The following LRP8 variants were observed in gnomAD, a reference collection of about 807,000 sequenced individuals.
LRP8 encodes LDL receptor related protein 8.
LRP8 carries 46 observed loss-of-function variants against 111.6 expected under a neutral mutation model. The observed-to-expected ratio is 0.41, with a 90% CI of 0.33 to 0.53. The LOEUF (loss-of-function observed/expected upper bound fraction) is 0.53, where lower values mean the gene tolerates loss of function less well. Among genes scored for constraint, LRP8 ranks in the 20% least tolerant of loss-of-function variants. The pLI is 0.20. For synonymous variants in LRP8, 464 were observed against 511.2 expected (o/e 0.91, Z 1.24); for missense variants, 959 against 1,297.4 (o/e 0.74, Z 4.01).
At chr1:53,322,794 G>A (rs1340210789) in intron 2 of LRP8, among the ~76,000 whole-genome samples, 4 of 152,134 alleles carry the variant, frequency 2.6e-5, no homozygotes, top group East Asian at 1.9e-4. Flanking sequence ...GGCCAGATGC[G>A]GGCTACAGCA....
intron 2 of LRP8, among the ~76,000 whole-genome samples, chr1:53,319,355 C>A (rs987211789): frequency 1.3e-5 from 2 of 152,208 alleles, no homozygotes; most frequent in Non-Finnish European, 2.9e-5. Context: ...TGGCAGACAG[C>A]TTTGGGGTGT....
chr1:53,273,720 A>C (rs1214225416), intron 6 of LRP8, among the ~76,000 whole-genome samples: 1 of 152,186 alleles, frequency 6.6e-6, no homozygotes, highest in African/African-American at 2.4e-5. Context: ...CTGCCAGCTC[A>C]GGTAGAAGCT....
At position 53,249,626 on chromosome 1, in the gene LRP8, G is replaced by A. The variant is rs1645834436; in HGVS notation, c.2677-70C>T. On this transcript the variant is annotated intron_variant, in intron 17 of 18. Transcript: ENST00000306052. The surrounding 1 kb of genome is among the most constrained non-coding windows in gnomAD (Gnocchi z 4.1). ...AGCCCCCTGACTGTGCTGTATAACA[G>A]TGACACCTGCTGTGCCACTTTGTGG... The A allele has an allele frequency of 6.8e-7, 1 of 1,478,460 alleles. No homozygotes were observed. Among genetic ancestry groups the A allele is most frequent in the Non-Finnish European group, 9.0e-7 (1 of 1,113,766 alleles). The allele number at this position is 1,478,460 out of a possible 1,614,324, so 91.6% of individuals were successfully genotyped here.
rs1474888614 is a variant in LRP8, at chr1:53,243,530, T to G, written c.*3488A>C. On this transcript the variant is annotated 3_prime_UTR_variant, in exon 19 of 19. Coordinates refer to ENST00000306052, the MANE Select transcript of LRP8 (RefSeq NM_004631.5). ...TTTCCATGATGCATGTAGTGCCTTG[T>G]ACACAATGATCAAGAAATGCTTCAT... 2 of 152,236 alleles carry G rather than the reference T, an allele frequency of 1.3e-5. No individual in the cohort carries two copies. Among genetic ancestry groups the G allele is most frequent in the African/African-American group, 4.8e-5 (2 of 41,474 alleles). 9.4% of individuals were successfully genotyped at this position (152,236 alleles called of 1,614,324 possible).
chr1:53,279,107 T>C lies in LRP8; in HGVS notation c.496+1480A>G, dbSNP rs934867844. ...ACTTGGATGGCAAGGAAGTGCTTCT[T>C]CATACTGAGTTTTCTCTGAGGTTTT... On this transcript the variant is annotated intron_variant, in intron 4 of 18. Coordinates refer to ENST00000306052, the MANE Select transcript of LRP8 (RefSeq NM_004631.5). This position sits in a 1 kb window ranked among gnomAD's most constrained non-coding sequence, Gnocchi z 4.4. Among the ~76,000 whole-genome samples the C allele has an allele frequency of 3.2e-4, 48 of 152,092 alleles. No homozygotes were observed. Among genetic ancestry groups the C allele is most frequent in the African/African-American group, 1.1e-3 (45 of 41,412 alleles).
In LRP8 at chr1:53,327,835, G is replaced by GAGCCGCAGCAGCAGC; in HGVS notation, c.77_78insGCTGCTGCTGCGGCT (p.Leu26_Gln27insLeuLeuLeuArgLeu). Reference sequence around the variant, plus strand: ...CAGCCGCTGCCGCCGCAAGATGCTGGAGCTGCAGCAGCAGCAGCAGCAGCA... The same window carrying GAGCCGCAGCAGCAGC: ...CAGCCGCTGCCGCCGCAAGATGCTGGAGCCGCAGCAGCAGCAGCTGCAGCAGCAGCAGCAGCAGCA... On this transcript the variant is annotated inframe_insertion, in exon 1 of 19. Coordinates refer to ENST00000306052, the MANE Select transcript of LRP8 (RefSeq NM_004631.5). 4 of 1,511,496 alleles carry GAGCCGCAGCAGCAGC rather than the reference G, an allele frequency of 2.6e-6. No homozygotes were observed. Among genetic ancestry groups the GAGCCGCAGCAGCAGC allele is most frequent in the Non-Finnish European group, 2.6e-6 (3 of 1,136,084 alleles). 93.6% of individuals were successfully genotyped at this position (1,511,496 alleles called of 1,614,324 possible).
chr1:53,314,848 C>T (rs986826866), intron 2 of LRP8, among the ~76,000 whole-genome samples: 9 of 152,210 alleles, frequency 5.9e-5, no homozygotes, highest in Non-Finnish European at 8.8e-5. Flanking sequence ...CTCTGAGCCA[C>T]GCTGGGGACA....
rs56722919 is a variant in LRP8 at position 53,242,858 on chromosome 1, T to TATATATATATATATACACAC, written c.*4159_*4160insGTGTGTATATATATATATAT. On this transcript the variant is annotated 3_prime_UTR_variant, in exon 19 of 19. Transcript: ENST00000306052. ...TTAAATATATATATATATATATATA[T>TATATATATATATATACACAC]ACACACACACACACGTGGCTTTTTA... The TATATATATATATATACACAC allele has an allele frequency of 9.2e-5, 13 of 140,616 alleles. No individual in the cohort carries two copies. The East Asian group carries it at 1.0e-3, about 11-fold the overall frequency. 8.7% of individuals were successfully genotyped at this position (140,616 alleles called of 1,614,324 possible).
chr1:53,272,041 A>G (rs1646774398), intron 6 of LRP8, among the ~76,000 whole-genome samples: 1 of 151,838 alleles, frequency 6.6e-6, no homozygotes, highest in Admixed American at 6.6e-5. Context: ...ACCCAGAAGG[A>G]ACCTGAACAA....
intron 14 of LRP8, 112 bp from the exon 15 acceptor site, chr1:53,257,576 T>C: frequency 1.3e-6 from 1 of 760,498 alleles, no homozygotes; most frequent in South Asian, 1.7e-5. Flanking sequence ...AAATGCCACT[T>C]CTGTGAAGCC....
At chr1:53,283,693 C>T (rs1230085437) in intron 3 of LRP8, among the ~76,000 whole-genome samples, 1 of 5,628 alleles carries the variant, frequency 1.8e-4, no homozygotes, top group East Asian at 7.5e-3. Context: ...ACTACATACC[C>T]GGGCCACTTA....
At chr1:53,282,597 G>GA (rs1647149901) in intron 3 of LRP8, among the ~76,000 whole-genome samples, 4 of 152,092 alleles carry the variant, frequency 2.6e-5, no homozygotes. Context: ...GCTTTGCTGG[G>GA]GTCCTCTCAT....
At chr1:53,326,639 G>T (rs1427083222) in intron 2 of LRP8, among the ~76,000 whole-genome samples, 1 of 152,160 alleles carries the variant, frequency 6.6e-6, no homozygotes, top group Non-Finnish European at 1.5e-5. Flanking sequence ...CACACTGCCC[G>T]GGGCTCCGCC....
intron 4 of LRP8, 76 bp downstream of exon 4, chr1:53,280,510 TC>T (rs913167501): frequency 4.6e-5 from 72 of 1,560,152 alleles, no homozygotes; most frequent in Non-Finnish European, 5.8e-5. Flanking sequence ...CTGGGCCCCC[TC>T]CCCAGAAGTG....
At chr1:53,270,694 T>C (rs1455255319) in intron 8 of LRP8, among the ~76,000 whole-genome samples, 1 of 152,236 alleles carries the variant, frequency 6.6e-6, no homozygotes, top group Non-Finnish European at 1.5e-5. Context: ...CATTCTCTTT[T>C]AGCAGGCTGC....
chr1:53,301,062 G>C (rs1650745604), intron 2 of LRP8, among the ~76,000 whole-genome samples: 1 of 152,136 alleles, frequency 6.6e-6, no homozygotes, highest in East Asian at 1.9e-4. Flanking sequence ...AGTGTAGTCA[G>C]CACCCGCTCC....
At chr1:53,325,689 G>A (rs1484906978) in intron 2 of LRP8, among the ~76,000 whole-genome samples, 1 of 152,216 alleles carries the variant, frequency 6.6e-6, no homozygotes, top group East Asian at 1.9e-4. Context: ...TCAACAGAGA[G>A]GGTGCCTGTC....
Position 53,276,895 on chromosome 1 carries a change from AC to A in LRP8, c.679del (p.Val227SerfsTer111). The A allele has an allele frequency of 7.0e-7, 1 of 1,424,152 alleles. No homozygotes were observed. 88.2% of individuals were successfully genotyped at this position (1,424,152 alleles called of 1,614,324 possible). A position where few individuals can be genotyped will look rare whatever the true frequency, so the allele number is the denominator to read the frequency against. ...CTCGCAGTCAAACTGGCGGTCGCAG[AC>A]CCAGCGCTCCGGGATGCAGGCGCCG... is the stretch of plus-strand genomic sequence containing the variant. The part of the protein sequence containing the change: ...GGGACIPERW[V>X]CDRQFDCEDR... On this transcript the variant is annotated frameshift_variant, in exon 5 of 19. Transcript: ENST00000306052. LOFTEE classifies it high-confidence loss of function.
chr1:53,298,967 G>A (rs959662781), intron 2 of LRP8, among the ~76,000 whole-genome samples: 1 of 152,260 alleles, frequency 6.6e-6, no homozygotes, highest in South Asian at 2.1e-4. Flanking sequence ...CAAGGGGCAG[G>A]CCTCTCTGGG....
Sources: allele counts gnomAD v4.1 joint callset (sites outside exome capture counted in the v4.1 genomes callset), GRCh38; gene constraint gnomAD v4.1.1; non-coding constraint Gnocchi (gnomAD v3.1); transcripts MANE v1.5; gene names NCBI Gene and HGNC (gene_info 2026-07-23, HGNC 2026-07-21).